The following VSTM2A variants were observed in gnomAD, a reference collection of about 807,000 sequenced individuals.
The protein encoded by VSTM2A is V-set and transmembrane domain containing 2A, also known as V-set and transmembrane domain-containing protein 2A.
A neutral mutation model predicts 27.3 loss-of-function variants in VSTM2A; 13 were observed. That is an observed-to-expected ratio of 0.48 (90% confidence interval 0.31 to 0.76). VSTM2A has a LOEUF of 0.76. Ranked by LOEUF, VSTM2A falls within the 30% of genes least tolerant of loss-of-function variation. VSTM2A has a pLI of 0.05. For synonymous variants in VSTM2A, 142 were observed against 125.7 expected, an observed-to-expected ratio of 1.13 and a Z score of -0.87; for missense variants, 280 against 310.0, an observed-to-expected ratio of 0.90 and a Z score of 0.73.
At chr7:54,568,971 C>A (rs2115958505) in intron 4 of VSTM2A, 160 bp from the exon 5 acceptor site, 1 of 1,564,898 alleles carries the variant, frequency 6.4e-7, no homozygotes, top group Non-Finnish European at 8.7e-7. Context: ...CGTTGGAAAT[C>A]TTCAAGATGA....
chr7:54,547,532 T>C (rs1437539990), intron 3 of VSTM2A, among the ~76,000 whole-genome samples: 4 of 152,204 alleles, frequency 2.6e-5, no homozygotes, highest in African/African-American at 9.6e-5. Flanking sequence ...ACCATTATTA[T>C]AGGAGCTTGA....
chr7:54,559,822 T>G (rs1342048278), intron 4 of VSTM2A: 2 of 152,094 alleles, frequency 1.3e-5, no homozygotes, highest in Admixed American at 6.5e-5. Context: ...TTTGGAGACA[T>G]TAGAAAGGAT....
chr7:54,546,806 G>A (rs1463800424), intron 2 of VSTM2A, 141 bp from the exon 3 acceptor site: 3 of 949,910 alleles, frequency 3.2e-6, no homozygotes, highest in African/African-American at 3.8e-5. Flanking sequence ...GGCCTGGACA[G>A]GGGTGGCCAC....
intron 3 of VSTM2A, among the ~76,000 whole-genome samples, chr7:54,549,059 A>T (rs970795139): frequency 6.6e-6 from 1 of 150,820 alleles, no homozygotes; most frequent in Non-Finnish European, 1.5e-5. Flanking sequence ...TAATATATAT[A>T]TCAGATATAT....
At chr7:54,548,455 C>T (rs1432447029) in intron 3 of VSTM2A, among the ~76,000 whole-genome samples, 1 of 151,790 alleles carries the variant, frequency 6.6e-6, no homozygotes, top group Non-Finnish European at 1.5e-5. Context: ...ATGATATAAG[C>T]TCCACCTTCC....
chr7:54,546,840 C>T, intron 2 of VSTM2A, 107 bp from the exon 3 acceptor site: 2 of 1,480,810 alleles, frequency 1.4e-6, no homozygotes, highest in Non-Finnish European at 1.8e-6. Flanking sequence ...CCCCTGTCCC[C>T]AGGTCACCCT....
intron 3 of VSTM2A, among the ~76,000 whole-genome samples, chr7:54,548,536 A>G (rs920055956): frequency 3.9e-5 from 6 of 152,096 alleles, no homozygotes; most frequent in African/African-American, 1.2e-4. Context: ...AGGTGATTCT[A>G]ATGTACACTC....
intron 4 of VSTM2A, among the ~76,000 whole-genome samples, chr7:54,562,979 A>G (rs773863648): frequency 6.6e-6 from 1 of 152,212 alleles, no homozygotes; most frequent in Non-Finnish European, 1.5e-5. Context: ...ACTTGTCTAT[A>G]TATCAGTAAA....
intron 1 of VSTM2A, 124 bp from the exon 2 acceptor site, chr7:54,544,498 C>T (rs1787877837): frequency 7.4e-6 from 9 of 1,213,472 alleles, no homozygotes; most frequent in African/African-American, 1.5e-5. Context: ...CAGACGAAGC[C>T]GAGGATGTAA....
chr7:54,554,093 C>T (rs1347077728), intron 4 of VSTM2A: 28 of 1,550,650 alleles, frequency 1.8e-5, no homozygotes, highest in East Asian at 1.2e-4. Context: ...CCAGGTCGCT[C>T]GCACTCCCAA....
At chr7:54,556,246 G>T (rs930415228) in intron 4 of VSTM2A, among the ~76,000 whole-genome samples, 1 of 152,146 alleles carries the variant, frequency 6.6e-6, no homozygotes, top group African/African-American at 2.4e-5. Context: ...TTGTGTCTCC[G>T]TGTGTGGAGT....
intron 2 of VSTM2A, chr7:54,546,031 TGGG>T (rs1268753153): frequency 2.3e-5 from 1 of 42,564 alleles, no homozygotes; most frequent in South Asian, 1.0e-3. Flanking sequence ...AGGAGAGACA[TGGG>T]GGAGAGAGGG....
At chr7:54,550,503 AC>A in intron 4 of VSTM2A, 1 of 474,376 alleles carries the variant, frequency 2.1e-6, no homozygotes, top group Admixed American at 4.0e-5. Context: ...CATTTTCTCT[AC>A]AGATTTATGT....
chr7:54,563,287 A>G (rs1047297532), intron 4 of VSTM2A, among the ~76,000 whole-genome samples: 1 of 152,138 alleles, frequency 6.6e-6, no homozygotes, highest in African/African-American at 2.4e-5. Context: ...TGTACTACCT[A>G]CTAGTTGAAT....
At chr7:54,551,867 A>G (rs1465098948) in intron 4 of VSTM2A, 1 of 152,220 alleles carries the variant, frequency 6.6e-6, no homozygotes, top group Non-Finnish European at 1.5e-5. Context: ...AGATGTCATC[A>G]ATCTGTTCGG....
At chr7:54,545,866 G>A (rs1236941944) in intron 2 of VSTM2A, among the ~76,000 whole-genome samples, 5 of 131,906 alleles carry the variant, frequency 3.8e-5, no homozygotes, top group African/African-American at 5.9e-5. Context: ...GAATTGGAGT[G>A]GGAAGCAGAG....
intron 4 of VSTM2A, among the ~76,000 whole-genome samples, chr7:54,567,243 G>A (rs1788753206): frequency 6.6e-6 from 1 of 152,190 alleles, no homozygotes; most frequent in Admixed American, 6.5e-5. Context: ...GCTAGTAAAT[G>A]CATGTACTTA....
At chr7:54,543,720 TC>T (rs1168772103) in intron 1 of VSTM2A, among the ~76,000 whole-genome samples, 1 of 152,136 alleles carries the variant, frequency 6.6e-6, no homozygotes, top group Non-Finnish European at 1.5e-5. Context: ...ATACAAATCT[TC>T]CCAGGACTGC....
chr7:54,563,434 A>G (rs1162964313), intron 4 of VSTM2A, among the ~76,000 whole-genome samples: 1 of 152,212 alleles, frequency 6.6e-6, no homozygotes, highest in African/African-American at 2.4e-5. Context: ...TATCATAACC[A>G]TCATCCCATC....
Sources: allele counts gnomAD v4.1 joint callset (sites outside exome capture counted in the v4.1 genomes callset), GRCh38; gene constraint gnomAD v4.1.1; transcripts MANE v1.5; gene names NCBI Gene and HGNC (gene_info 2026-07-23, HGNC 2026-07-21).